Variants in ATP2B1 observed in about 807,000 individuals in gnomAD.
ATP2B1 encodes ATPase plasma membrane Ca2+ transporting 1, also known as plasma membrane calcium-transporting ATPase 1.
In ATP2B1, 14 loss-of-function variants were observed where a neutral mutation model predicts 124.2. The observed-to-expected ratio is 0.11, with a 90% CI of 0.07 to 0.18. ATP2B1 has a LOEUF of 0.18. Ranked by LOEUF, ATP2B1 falls within the 10% of genes least tolerant of loss-of-function variation. The probability of loss-of-function intolerance (pLI) is 1.00; values close to 1 mark genes in which losing one functional copy is unlikely to be tolerated. For synonymous variants in ATP2B1, 449 were observed against 492.4 expected, an observed-to-expected ratio of 0.91 and a Z score of 1.17; for missense variants, 763 against 1,466.1, an observed-to-expected ratio of 0.52 and a Z score of 7.83.
intron 2 of ATP2B1, among the ~76,000 whole-genome samples, chr12:89,653,795 T>C (rs573939448): frequency 1.5e-4 from 23 of 152,282 alleles, no homozygotes; most frequent in Admixed American, 3.9e-4. Context: ...TGAAAGAAAC[T>C]GTAGTGCAAA....
At chr12:89,620,850 G>T (rs542483266) in intron 10 of ATP2B1, among the ~76,000 whole-genome samples, 3 of 152,208 alleles carry the variant, frequency 2.0e-5, no homozygotes, top group African/African-American at 7.2e-5. Context: ...GGCAAAGCTA[G>T]ATCTAGAACC....
At chr12:89,630,231 T>A (rs1416141222) in intron 6 of ATP2B1, among the ~76,000 whole-genome samples, 1 of 152,152 alleles carries the variant, frequency 6.6e-6, no homozygotes. Context: ...AGAGTTCAAT[T>A]CATTTTGCTG....
At chr12:89,642,464 T>C in intron 2 of ATP2B1, 109 bp from the exon 3 acceptor site, 1 of 1,051,824 alleles carries the variant, frequency 9.5e-7, no homozygotes, top group Non-Finnish European at 1.4e-6. Flanking sequence ...ACCAAAATGT[T>C]TACTTTCATG....
chr12:89,633,943 A>G (rs1882295835), intron 5 of ATP2B1, among the ~76,000 whole-genome samples: 1 of 152,176 alleles, frequency 6.6e-6, no homozygotes, highest in Non-Finnish European at 1.5e-5. Flanking sequence ...GGAACCCCAG[A>G]ACCTAAAAGT....
At chr12:89,651,812 G>C (rs1315627372) in intron 2 of ATP2B1, among the ~76,000 whole-genome samples, 1 of 152,180 alleles carries the variant, frequency 6.6e-6, no homozygotes, top group Non-Finnish European at 1.5e-5. Flanking sequence ...ACTGGAGCCA[G>C]AGTGAGACTC....
rs1873245379 is a variant in ATP2B1, at chr12:89,589,908, A to G, written c.*1076T>C. Reference sequence around the variant, plus strand: ...TATTAACCTTTTTCAAAATGCCAACAGCCCTCATGCTGTGTGAAGGTCTCT... The same window carrying G: ...TATTAACCTTTTTCAAAATGCCAACGGCCCTCATGCTGTGTGAAGGTCTCT... On this transcript the variant is annotated 3_prime_UTR_variant, in exon 21 of 21. Coordinates refer to ENST00000428670, the MANE Select transcript of ATP2B1 (RefSeq NM_001366521.1). The G allele has an allele frequency of 6.6e-6, 1 of 152,610 alleles. No homozygotes were observed. Among genetic ancestry groups the G allele is most frequent in the Admixed American group, 6.6e-5 (1 of 15,266 alleles). 9.5% of individuals were successfully genotyped at this position (152,610 alleles called of 1,614,324 possible).
At chr12:89,632,746 A>G (rs11105354) in intron 5 of ATP2B1, among the ~76,000 whole-genome samples, 22,888 of 152,226 alleles carry the variant, frequency 0.15, 2,086 homozygotes, top group South Asian at 0.35. Context: ...TTTTTGGAAT[A>G]GGGAAATAAA....
chr12:89,634,373 C>T (rs973615924), intron 5 of ATP2B1, among the ~76,000 whole-genome samples: 1 of 152,176 alleles, frequency 6.6e-6, no homozygotes, highest in African/African-American at 2.4e-5. Flanking sequence ...CTTTGTAGAG[C>T]ATCACAGAGA....
At chr12:89,697,831 C>T (rs532275200) in intron 1 of ATP2B1, among the ~76,000 whole-genome samples, 1 of 151,744 alleles carries the variant, frequency 6.6e-6, no homozygotes, top group African/African-American at 2.4e-5. Flanking sequence ...ACAAATAATG[C>T]TTACAAAGCT....
intron 1 of ATP2B1, among the ~76,000 whole-genome samples, chr12:89,672,926 T>C (rs1299393721): frequency 6.6e-6 from 1 of 152,244 alleles, no homozygotes; most frequent in Non-Finnish European, 1.5e-5. Flanking sequence ...AACTGGATAT[T>C]TGTATTTTCC....
At chr12:89,706,232 G>T (rs1180202317) in intron 1 of ATP2B1, among the ~76,000 whole-genome samples, 2 of 152,068 alleles carry the variant, frequency 1.3e-5, no homozygotes, top group African/African-American at 2.4e-5. Flanking sequence ...AAGTACACCT[G>T]CTCGAAGTGT....
chr12:89,690,545 T>C (rs1890445442), intron 1 of ATP2B1, among the ~76,000 whole-genome samples: 1 of 151,958 alleles, frequency 6.6e-6, no homozygotes, highest in Admixed American at 6.6e-5. Flanking sequence ...AACTTGCTCA[T>C]TCTTGTGAGT....
intron 19 of ATP2B1, 118 bp from the exon 20 acceptor site, chr12:89,599,417 G>A: frequency 1.9e-6 from 2 of 1,047,802 alleles, no homozygotes; most frequent in Non-Finnish European, 2.7e-6. Flanking sequence ...TACCAATGAA[G>A]TAATGGGATC....
At chr12:89,643,605 A>T (rs1034279854) in intron 2 of ATP2B1, among the ~76,000 whole-genome samples, 2 of 152,226 alleles carry the variant, frequency 1.3e-5, no homozygotes, top group Admixed American at 6.5e-5. Context: ...GGAGGTTAAG[A>T]CAGAGCTAGT....
chr12:89,603,425 A>G lies in ATP2B1; in HGVS notation c.2849-171T>C. The G allele has an allele frequency of 1.2e-5, 8 of 668,274 alleles. No homozygotes were observed. In the South Asian group the frequency reaches 1.7e-4, roughly 14 times the overall value. 41.4% of individuals were successfully genotyped at this position (668,274 alleles called of 1,614,324 possible). Reference sequence around the variant, plus strand: ...CAACTCTCTTGTTTTATAGGCAAGGAAACAGAAGCTCCCAAAACTATGGTG... The same window carrying G: ...CAACTCTCTTGTTTTATAGGCAAGGGAACAGAAGCTCCCAAAACTATGGTG... On this transcript the variant is annotated intron_variant, in intron 17 of 20. Transcript: ENST00000428670. This position sits in a 1 kb window ranked among gnomAD's most constrained non-coding sequence, Gnocchi z 4.3.
chr12:89,632,481 A>G (rs1333956285), intron 5 of ATP2B1, among the ~76,000 whole-genome samples: 1 of 152,194 alleles, frequency 6.6e-6, no homozygotes, highest in Non-Finnish European at 1.5e-5. Context: ...AAAAGTAGAT[A>G]ATTTATTTCT....
intron 1 of ATP2B1, among the ~76,000 whole-genome samples, chr12:89,699,416 C>T (rs1275121147): frequency 6.6e-6 from 1 of 152,042 alleles, no homozygotes; most frequent in African/African-American, 2.4e-5. Flanking sequence ...ACAGACGAAA[C>T]GTCAAAATGA....
chr12:89,634,823 C>G lies in ATP2B1; in HGVS notation c.742G>C (p.Asp248His). The change falls in exon 5 of 21, where the codon GAT becomes CAT. Residue 248 changes from aspartate (D) to histidine (H), a missense_variant. Physicochemically the swap from Asp to His is moderately conservative, Grantham distance 81. This residue lies in a region of ATP2B1 where 392 missense variants were observed against 776.6 expected (regional missense o/e 0.50). Coordinates refer to ENST00000428670, the MANE Select transcript of ATP2B1 (RefSeq NM_001366521.1). ...TTATCTAAAGACTTTTTAACATGAT[C>G]TGATTCACCAGTCAATGAGCTTTCA... is the stretch of plus-strand genomic sequence containing the variant. ...IDESSLTGES[D>H]HVKKSLDKDP... The G allele has an allele frequency of 1.2e-6, 2 of 1,611,606 alleles. No individual in the cohort carries two copies. The highest frequency in any genetic ancestry group is 2.2e-5 in the South Asian group (2 of 90,524).
At chr12:89,659,555 G>T (rs1344566274) in intron 1 of ATP2B1, among the ~76,000 whole-genome samples, 1 of 152,206 alleles carries the variant, frequency 6.6e-6, no homozygotes, top group Non-Finnish European at 1.5e-5. Flanking sequence ...TCATAAAGAG[G>T]TTGGTTAATA....
Sources: allele counts gnomAD v4.1 joint callset (sites outside exome capture counted in the v4.1 genomes callset), GRCh38; gene constraint gnomAD v4.1.1; regional missense constraint gnomAD v4.1.1; non-coding constraint Gnocchi (gnomAD v3.1); transcripts MANE v1.5; gene names NCBI Gene and HGNC (gene_info 2026-07-23, HGNC 2026-07-21).